NCOR1: variants seen among roughly 807,000 people sequenced by gnomAD.
NCOR1 encodes protein phosphatase 1, regulatory subunit 109.
Under a neutral mutation model 288.1 loss-of-function variants are expected in NCOR1, and 63 were observed. The ratio of observed to expected loss-of-function variants is 0.22; its 90% CI spans 0.18 to 0.27. The LOEUF is 0.27. NCOR1 is among the 10% of genes least tolerant of loss of function. The pLI, the probability that NCOR1 is intolerant of heterozygous loss-of-function variation, is 1.00. For synonymous variants in NCOR1, 1,007 were observed against 1,065.9 expected (o/e 0.94, Z 1.08); for missense variants, 2,397 against 3,019.2 (o/e 0.79, Z 4.83).
At chr17:16,093,989 C>T (rs1188718424) in intron 21 of NCOR1, among the ~76,000 whole-genome samples, 1 of 152,108 alleles carries the variant, frequency 6.6e-6, no homozygotes, top group Non-Finnish European at 1.5e-5. Context: ...CTCACCACAA[C>T]CTCAAACTCT....
chr17:16,044,680 G>C (rs2058362990), intron 42 of NCOR1: 1 of 671,712 alleles, frequency 1.5e-6, no homozygotes, highest in Admixed American at 1.8e-5. Context: ...ATGACAATGA[G>C]GTGACCATCA....
chr17:16,077,505 G>A (rs2062683142), intron 26 of NCOR1, among the ~76,000 whole-genome samples: 1 of 37,792 alleles, frequency 2.6e-5, no homozygotes, highest in Non-Finnish European at 5.4e-5. Flanking sequence ...GAGGAGAGGG[G>A]AGGAGAGGGG....
chr17:16,214,786 AG>A (rs1180746905), intron 1 of NCOR1, among the ~76,000 whole-genome samples: 1 of 152,244 alleles, frequency 6.6e-6, no homozygotes, highest in African/African-American at 2.4e-5. Flanking sequence ...ACTTCGCTTA[AG>A]AAAACACCAA....
rs1172547900 is a variant in NCOR1, at chr17:16,127,289, ATATG to A, written c.1510-1087_1510-1084del. 3.6e-3 allele frequency among the ~76,000 whole-genome samples: 304 copies of A among 84,468 alleles called. 88 individuals carry two copies. The highest frequency in any genetic ancestry group is 9.4e-3 in the East Asian group (31 of 3,290). 55.4% of individuals were successfully genotyped at this position (84,468 alleles called of 152,430 possible). ...TATATGTATGTATATATACGTGTAT[ATATG>A]TATGTATGTATATATACATGTATGT... On this transcript the variant is annotated intron_variant, in intron 14 of 45. Coordinates refer to ENST00000268712, the MANE Select transcript of NCOR1 (RefSeq NM_006311.4).
At chr17:16,153,646 T>C (rs1054288762) in intron 6 of NCOR1, among the ~76,000 whole-genome samples, 34 of 152,170 alleles carry the variant, frequency 2.2e-4, no homozygotes, top group Non-Finnish European at 2.9e-5. Flanking sequence ...CAGTCAAAAC[T>C]TAACATTTGT....
At chr17:16,189,728 A>T (rs2087686655) in intron 2 of NCOR1, among the ~76,000 whole-genome samples, 1 of 152,210 alleles carries the variant, frequency 6.6e-6, no homozygotes, top group South Asian at 2.1e-4. Flanking sequence ...TTTTAAATTA[A>T]TCCATACTGG....
chr17:16,208,312 C>G (rs1228598857), intron 1 of NCOR1, among the ~76,000 whole-genome samples: 1 of 145,156 alleles, frequency 6.9e-6, no homozygotes, highest in Admixed American at 7.3e-5. Context: ...CCTGCCTTGG[C>G]CTCCCAAAGT....
At chr17:16,101,880 G>T in intron 19 of NCOR1, 123 bp from the exon 20 acceptor site, 1 of 1,263,926 alleles carries the variant, frequency 7.9e-7, no homozygotes, top group South Asian at 1.5e-5. Context: ...ATGTTTGAAA[G>T]TAGTTGTTTA....
intron 14 of NCOR1, among the ~76,000 whole-genome samples, chr17:16,127,504 T>C (rs947293872): frequency 6.8e-6 from 1 of 147,768 alleles, no homozygotes; most frequent in Non-Finnish European, 1.5e-5. Context: ...TGCATGTATA[T>C]ACATATGTGT....
At chr17:16,139,535 TATC>T (rs2076872826) in intron 11 of NCOR1, among the ~76,000 whole-genome samples, 1 of 152,208 alleles carries the variant, frequency 6.6e-6, no homozygotes, top group African/African-American at 2.4e-5. Context: ...AGCATTTAAT[TATC>T]ATATTAGTCT....
chr17:16,131,913 C>T (rs1486453061), intron 14 of NCOR1, among the ~76,000 whole-genome samples: 1 of 152,166 alleles, frequency 6.6e-6, no homozygotes, highest in Non-Finnish European at 1.5e-5. Flanking sequence ...TATCACTGAC[C>T]CCACTCTCAT....
chr17:16,098,458 G>A lies in NCOR1; in HGVS notation c.2729C>T (p.Pro910Leu), dbSNP rs2067033909. The change falls in exon 21 of 46, where the codon CCC becomes CTC. Residue 910 changes from proline to leucine, a missense_variant. Physicochemically the swap from Pro to Leu is moderately conservative, Grantham distance 98. Around this residue, in one of 11 missense-constraint regions of NCOR1, gnomAD observed 1,872 missense variants for 2,187.8 expected, o/e 0.86. Coordinates refer to ENST00000268712, the MANE Select transcript of NCOR1 (RefSeq NM_006311.4). ...AGATGAGACGAGTATAGATCCAGTGGGGTTTAACAGTGAAGGCTTTGAGTC... is the reference window on the plus strand; with the variant it reads ...AGATGAGACGAGTATAGATCCAGTGAGGTTTAACAGTGAAGGCTTTGAGTC... ...PMDSKPSLLN[P>L]TGSILVSSPL... is the part of the protein sequence containing the mutation. The A allele has an allele frequency of 6.2e-7, 1 of 1,613,580 alleles. No homozygotes were observed. The highest frequency in any genetic ancestry group is 8.5e-7 in the Non-Finnish European group (1 of 1,179,730).
chr17:16,118,553 TATGCA>T (rs1159992402), intron 17 of NCOR1, among the ~76,000 whole-genome samples: 8 of 152,174 alleles, frequency 5.3e-5, no homozygotes, highest in African/African-American at 1.9e-4. Flanking sequence ...TACAGAAACC[TATGCA>T]ATTTAACACT....
chr17:16,148,688 A>AC (rs1282875183), intron 9 of NCOR1, among the ~76,000 whole-genome samples: 9 of 150,166 alleles, frequency 6.0e-5, no homozygotes, highest in South Asian at 2.1e-4. Context: ...AAAAAAAAAA[A>AC]AACAACTCAA....
chr17:16,084,624 G>A (rs549195369), intron 23 of NCOR1, among the ~76,000 whole-genome samples: 158 of 152,288 alleles, frequency 1.0e-3, no homozygotes, highest in Middle Eastern at 3.4e-3. Flanking sequence ...TGAACAAGTA[G>A]ATCAGTGGAA....
At chr17:16,194,842 C>T (rs975754561) in intron 1 of NCOR1, among the ~76,000 whole-genome samples, 6 of 151,914 alleles carry the variant, frequency 3.9e-5, no homozygotes, top group African/African-American at 1.5e-4. Context: ...TAATATGTGA[C>T]AAATAATATA....
intron 5 of NCOR1, among the ~76,000 whole-genome samples, chr17:16,163,350 A>C (rs2081279047): frequency 6.6e-6 from 1 of 152,206 alleles, no homozygotes; most frequent in Non-Finnish European, 1.5e-5. Context: ...TAATGAGCAA[A>C]CAATCTAAAT....
At chr17:16,071,749 A>C in intron 29 of NCOR1, 84 bp from the exon 30 acceptor site, 2 of 1,278,234 alleles carry the variant, frequency 1.6e-6, no homozygotes, top group Non-Finnish European at 2.2e-6. Flanking sequence ...AAAATGGTTA[A>C]AATGGTAAAT....
At chr17:16,175,455 T>G (rs1432487088) in intron 3 of NCOR1, among the ~76,000 whole-genome samples, 1 of 152,186 alleles carries the variant, frequency 6.6e-6, no homozygotes, top group African/African-American at 2.4e-5. Context: ...TAACACCATC[T>G]TTAAACATCT....
Sources: gnomAD v4.1 joint callset for allele counts (sites outside exome capture counted in the v4.1 genomes callset) on GRCh38, gnomAD v4.1.1 for gene constraint, gnomAD v4.1.1 regional missense constraint, MANE v1.5 for transcripts, NCBI Gene and HGNC (gene_info 2026-07-23, HGNC 2026-07-21) for gene names.